MAP7: variants seen among roughly 807,000 people sequenced by gnomAD.
MAP7 encodes the protein microtubule associated protein 7.
A neutral mutation model predicts 94.8 loss-of-function variants in MAP7; 52 were observed. The ratio of observed to expected loss-of-function variants is 0.55; its 90% CI spans 0.44 to 0.69. The LOEUF (loss-of-function observed/expected upper bound fraction) is 0.69, where lower values mean the gene tolerates loss of function less well. Ranked by LOEUF, MAP7 falls within the 30% of genes least tolerant of loss-of-function variation. The pLI is 0.00. For missense variants in MAP7, 940 were observed against 964.6 expected, an observed-to-expected ratio of 0.97 and a Z score of 0.34; for synonymous variants, 350 against 357.0, an observed-to-expected ratio of 0.98 and a Z score of 0.22.
chr6:136,409,513 T>C (rs566356300), intron 3 of MAP7, among the ~76,000 whole-genome samples: 1 of 152,372 alleles, frequency 6.6e-6, no homozygotes, highest in South Asian at 2.1e-4. Flanking sequence ...TATAATCATA[T>C]AATAATCTGA....
chr6:136,356,599 A>G, intron 16 of MAP7, 93 bp downstream of exon 16: 1 of 965,368 alleles, frequency 1.0e-6, no homozygotes, highest in Admixed American at 2.3e-5. Context: ...CCCCCCAAAT[A>G]ATAAATCCTA....
chr6:136,448,846 G>A (rs1800145218), intron 1 of MAP7, among the ~76,000 whole-genome samples: 1 of 151,800 alleles, frequency 6.6e-6, no homozygotes, highest in Non-Finnish European at 1.5e-5. Flanking sequence ...CAAGAAAGGG[G>A]AAAAAAACAA....
At chr6:136,430,783 A>G (rs1794669352) in intron 1 of MAP7, among the ~76,000 whole-genome samples, 1 of 152,190 alleles carries the variant, frequency 6.6e-6, no homozygotes, top group Non-Finnish European at 1.5e-5. Flanking sequence ...TCACTAGAAC[A>G]CCAGCCTCAT....
chr6:136,394,731 C>T (rs976817864), intron 3 of MAP7, among the ~76,000 whole-genome samples: 21 of 151,144 alleles, frequency 1.4e-4, no homozygotes, highest in African/African-American at 5.1e-4. Flanking sequence ...CCCCACCTTT[C>T]TGTTCCCAGC....
chr6:136,430,802 C>G (rs1247227580), intron 1 of MAP7, among the ~76,000 whole-genome samples: 2 of 152,172 alleles, frequency 1.3e-5, no homozygotes, highest in African/African-American at 4.8e-5. Context: ...ATCATCTTTG[C>G]AACTGTTTAC....
chr6:136,467,601 T>C (rs1282330350), intron 1 of MAP7, among the ~76,000 whole-genome samples: 1 of 152,178 alleles, frequency 6.6e-6, no homozygotes, highest in East Asian at 1.9e-4. Context: ...TTTTAGTCAG[T>C]GATATATTGC....
intron 5 of MAP7, among the ~76,000 whole-genome samples, chr6:136,387,387 G>A (rs924799882): frequency 1.8e-4 from 27 of 152,124 alleles, no homozygotes; most frequent in African/African-American, 6.5e-4. Context: ...TTGTTTAAAG[G>A]GAAAGCAAAC....
At chr6:136,377,971 A>C in intron 6 of MAP7, 103 bp from the exon 7 acceptor site, 3 of 764,152 alleles carry the variant, frequency 3.9e-6, no homozygotes, top group Non-Finnish European at 6.5e-6. Flanking sequence ...CCTTCACAGG[A>C]CCAGGCTCTG....
chr6:136,408,656 G>T (rs1031481607), intron 3 of MAP7, among the ~76,000 whole-genome samples: 2 of 151,650 alleles, frequency 1.3e-5, no homozygotes, highest in South Asian at 4.2e-4. Flanking sequence ...TTTTTAACTT[G>T]AAAACTTTAA....
intron 1 of MAP7, among the ~76,000 whole-genome samples, chr6:136,475,420 TA>T (rs1402523806): frequency 6.6e-6 from 1 of 152,234 alleles, no homozygotes; most frequent in Non-Finnish European, 1.5e-5. Flanking sequence ...ATTATCATTT[TA>T]ATACAAATTT....
At chr6:136,419,293 C>G (rs944536007) in intron 2 of MAP7, among the ~76,000 whole-genome samples, 2 of 152,088 alleles carry the variant, frequency 1.3e-5, no homozygotes, top group Non-Finnish European at 2.9e-5. Flanking sequence ...AAAGTATAAA[C>G]TGCACAGTAA....
In MAP7 at chr6:136,435,301, A is replaced by T. The variant is rs3799421; in HGVS notation, c.68-13502T>A. ...ACTCTCCTTGCGTCCCAGGGGGCAA[A>T]GGGCTGTCACAGGCCTGGCCTATCT... On this transcript the variant is annotated intron_variant, in intron 1 of 17. Coordinates refer to ENST00000354570, the MANE Select transcript of MAP7 (RefSeq NM_003980.6). Among the ~76,000 whole-genome samples the T allele has an allele frequency of 8.9e-3, 1,362 of 152,306 alleles. 60 individuals carry two copies. In the East Asian group the frequency reaches 0.13, roughly 15 times the overall value.
At chr6:136,523,620 T>C (rs1391737806) in intron 1 of MAP7, among the ~76,000 whole-genome samples, 1 of 152,220 alleles carries the variant, frequency 6.6e-6, no homozygotes, top group African/African-American at 2.4e-5. Flanking sequence ...TATCTGGTTA[T>C]TTTATTGAAT....
chr6:136,355,864 C>T (rs187240971), intron 16 of MAP7, among the ~76,000 whole-genome samples: 128 of 152,194 alleles, frequency 8.4e-4, no homozygotes, highest in African/African-American at 2.9e-3. Flanking sequence ...CCTTATTTTT[C>T]GTTTTTGAAA....
At chr6:136,414,688 C>T (rs1218740926) in intron 2 of MAP7, among the ~76,000 whole-genome samples, 1 of 152,036 alleles carries the variant, frequency 6.6e-6, no homozygotes, top group Non-Finnish European at 1.5e-5. Context: ...GTCACCCAGG[C>T]TGGAGTGCAG....
At chr6:136,476,324 C>T (rs1041529151) in intron 1 of MAP7, among the ~76,000 whole-genome samples, 12 of 152,090 alleles carry the variant, frequency 7.9e-5, no homozygotes, top group African/African-American at 2.9e-4. Context: ...CCACATGTGC[C>T]TATTTAAATT....
chr6:136,372,013 G>A (rs937862110), intron 8 of MAP7, among the ~76,000 whole-genome samples: 22 of 152,122 alleles, frequency 1.4e-4, no homozygotes, highest in African/African-American at 4.6e-4. Flanking sequence ...AAGATCCCTT[G>A]ACAGGGCCTT....
At chr6:136,505,025 G>A (rs1022244155) in intron 1 of MAP7, among the ~76,000 whole-genome samples, 3 of 151,882 alleles carry the variant, frequency 2.0e-5, no homozygotes, top group Non-Finnish European at 4.4e-5. Flanking sequence ...TGGGGTCCAT[G>A]AGTATTTATT....
At chr6:136,442,458 G>A (rs1358038888) in intron 1 of MAP7, among the ~76,000 whole-genome samples, 1 of 150,520 alleles carries the variant, frequency 6.6e-6, no homozygotes, top group Non-Finnish European at 1.5e-5. Context: ...ATAAAACAAG[G>A]TTTCAAAGCC....
Sources: gnomAD v4.1 joint callset for allele counts (sites outside exome capture counted in the v4.1 genomes callset) on GRCh38, gnomAD v4.1.1 for gene constraint, MANE v1.5 for transcripts, NCBI Gene and HGNC (gene_info 2026-07-23, HGNC 2026-07-21) for gene names.